PSPH: variants seen among roughly 807,000 people sequenced by gnomAD.
PSPH encodes L-3-phosphoserine phosphatase.
A neutral mutation model predicts 23.4 loss-of-function variants in PSPH; 16 were observed. The observed-to-expected ratio is 0.68, with a 90% CI of 0.46 to 1.04. The LOEUF (loss-of-function observed/expected upper bound fraction) is 1.04, where lower values mean the gene tolerates loss of function less well. PSPH is among the 50% of genes least tolerant of loss of function. The pLI is 0.00. For synonymous variants in PSPH, 68 were observed against 99.7 expected (o/e 0.68, Z 1.89); for missense variants, 223 against 273.7 (o/e 0.81, Z 1.31).
chr7:56,031,658 C>T (rs1051717852), intron 3 of PSPH, among the ~76,000 whole-genome samples: 7 of 151,970 alleles, frequency 4.6e-5, no homozygotes, highest in African/African-American at 1.7e-4. Flanking sequence ...ACTAAACATA[C>T]GAAAATTAGC....
intron 2 of PSPH, among the ~76,000 whole-genome samples, chr7:56,032,309 G>C (rs1361001482): frequency 1.3e-5 from 2 of 152,110 alleles, no homozygotes; most frequent in African/African-American, 2.4e-5. Flanking sequence ...GATTAGCAGG[G>C]TACAAAGACA....
At chr7:56,049,392 G>T (rs1460495167) in intron 1 of PSPH, among the ~76,000 whole-genome samples, 1 of 151,984 alleles carries the variant, frequency 6.6e-6, no homozygotes, top group African/African-American at 2.4e-5. Context: ...TATTTAAATT[G>T]TTTTTTCCCC....
chr7:56,014,574 C>T (rs1270860489), intron 7 of PSPH, among the ~76,000 whole-genome samples: 1 of 152,040 alleles, frequency 6.6e-6, no homozygotes, highest in Non-Finnish European at 1.5e-5. Flanking sequence ...AGGCTGGTCT[C>T]AAACTCCTGT....
chr7:56,039,204 G>T (rs1402707022), intron 1 of PSPH, among the ~76,000 whole-genome samples: 1 of 150,488 alleles, frequency 6.6e-6, no homozygotes, highest in Admixed American at 6.6e-5. Context: ...GCAGTACTGT[G>T]AACATTCTCA....
At chr7:56,042,786 CCAACCTAGGAAACATATTGAGA>C (rs1232617101) in intron 1 of PSPH, among the ~76,000 whole-genome samples, 1 of 151,978 alleles carries the variant, frequency 6.6e-6, no homozygotes, top group Non-Finnish European at 1.5e-5. Context: ...GCGTTCAGAT[CCAACCTAGGAAACATATTGAGA>C]CACCATCTCC....
intron 1 of PSPH, among the ~76,000 whole-genome samples, chr7:56,035,821 T>C (rs551371137): frequency 2.0e-5 from 3 of 151,994 alleles, no homozygotes; most frequent in Non-Finnish European, 4.4e-5. Flanking sequence ...GGTTTCACCA[T>C]GTTGGCCAGG....
At chr7:56,020,401 C>A (rs920809022) in intron 4 of PSPH, among the ~76,000 whole-genome samples, 1 of 151,972 alleles carries the variant, frequency 6.6e-6, no homozygotes, top group Non-Finnish European at 1.5e-5. Context: ...CCAAGGTGGG[C>A]GGATCACGAG....
chr7:56,036,349 A>C (rs1791721281), intron 1 of PSPH, among the ~76,000 whole-genome samples: 1 of 152,218 alleles, frequency 6.6e-6, no homozygotes, highest in South Asian at 2.1e-4. Context: ...AACTCAAGTA[A>C]GTAAATGTGG....
At position 56,034,040 on chromosome 7, in the gene PSPH, C is replaced by G. The variant is rs562697877; in HGVS notation, c.-225G>C. On this transcript the variant is annotated 5_prime_UTR_variant, in exon 2 of 8. Coordinates refer to ENST00000275605, the MANE Select transcript of PSPH (RefSeq NM_004577.4). ...GCCAGCGCCGGCTCCGACGCTCGGG[C>G]GAGCAGTTCCCAGGGAGGTGAGCTG... 6.6e-6 allele frequency: 1 copy of G among 152,668 alleles called. No homozygotes were observed. Among genetic ancestry groups the G allele is most frequent in the East Asian group, 1.9e-4 (1 of 5,212 alleles). The allele number at this position is 152,668 out of a possible 1,614,324, so 9.5% of individuals were successfully genotyped here. A position where few individuals can be genotyped will look rare whatever the true frequency, so the allele number is the denominator to read the frequency against.
chr7:56,027,558 G>A (rs1790377182), intron 3 of PSPH, among the ~76,000 whole-genome samples: 1 of 150,536 alleles, frequency 6.6e-6, no homozygotes, highest in Non-Finnish European at 1.5e-5. Context: ...AATTAGTCAG[G>A]TGCCTGTAAT....
rs34876866 is a variant in PSPH, at chr7:56,048,290, G to GAA, written c.-292+2846_-292+2847dup. Among the ~76,000 whole-genome samples the GAA allele has an allele frequency of 8.5e-5, 11 of 130,152 alleles. No homozygotes were observed. In the South Asian group the frequency reaches 1.0e-3, roughly 12 times the overall value. 85.4% of individuals were successfully genotyped at this position (130,152 alleles called of 152,430 possible). On this transcript the variant is annotated intron_variant, in intron 1 of 7. Coordinates refer to ENST00000275605, the MANE Select transcript of PSPH (RefSeq NM_004577.4). ...GCAACACTCTGTCTTTAAAAAATTT[G>GAA]AAAAAAAAAAAAAAAATCATAAGGA...
intron 6 of PSPH, among the ~76,000 whole-genome samples, chr7:56,016,305 G>T (rs934473014): frequency 2.7e-5 from 4 of 150,298 alleles, no homozygotes; most frequent in Non-Finnish European, 4.4e-5. Context: ...TTGGGAGGCT[G>T]AGGCAGGAGA....
chr7:56,026,363 C>A (rs1229606874), intron 3 of PSPH, among the ~76,000 whole-genome samples: 1 of 151,306 alleles, frequency 6.6e-6, no homozygotes, highest in African/African-American at 2.4e-5. Context: ...GTAATCCCAG[C>A]TACTTGGGAC....
At chr7:56,018,320 G>A (rs1385356022) in intron 5 of PSPH, among the ~76,000 whole-genome samples, 3 of 151,846 alleles carry the variant, frequency 2.0e-5, no homozygotes, top group Admixed American at 2.0e-4. Context: ...CACCAGCTTG[G>A]CAACAGTGCG....
chr7:56,038,130 T>C (rs1227884473), intron 1 of PSPH, among the ~76,000 whole-genome samples: 1 of 151,748 alleles, frequency 6.6e-6, no homozygotes, highest in Non-Finnish European at 1.5e-5. Flanking sequence ...AACAATATGG[T>C]GTTATTCAGT....
At chr7:56,029,699 C>T (rs1790678824) in intron 3 of PSPH, among the ~76,000 whole-genome samples, 2 of 152,092 alleles carry the variant, frequency 1.3e-5, no homozygotes, top group Admixed American at 1.3e-4. Context: ...ACTTCCTTCA[C>T]CTTGTTAGGA....
At chr7:56,043,917 T>C (rs1300456584) in intron 1 of PSPH, among the ~76,000 whole-genome samples, 2 of 152,140 alleles carry the variant, frequency 1.3e-5, no homozygotes, top group Admixed American at 6.5e-5. Flanking sequence ...CTACAAACGA[T>C]AGTTTTGAAC....
intron 1 of PSPH, among the ~76,000 whole-genome samples, chr7:56,050,180 C>T (rs768651490): frequency 2.4e-4 from 36 of 152,132 alleles, no homozygotes; most frequent in Non-Finnish European, 4.1e-4. Flanking sequence ...CACAAACCCA[C>T]CTAAGAGCAT....
At chr7:56,029,710 C>T (rs1790679654) in intron 3 of PSPH, among the ~76,000 whole-genome samples, 1 of 152,104 alleles carries the variant, frequency 6.6e-6, no homozygotes, top group African/African-American at 2.4e-5. Flanking sequence ...CTTGTTAGGA[C>T]TGACCTCTTA....
Sources: gnomAD v4.1 joint callset for allele counts (sites outside exome capture counted in the v4.1 genomes callset) on GRCh38, gnomAD v4.1.1 for gene constraint, MANE v1.5 for transcripts, NCBI Gene and HGNC (gene_info 2026-07-23, HGNC 2026-07-21) for gene names.